The following XYLT1 variants were observed in gnomAD, a reference collection of about 807,000 sequenced individuals.
The protein encoded by XYLT1 is beta-D-xylosyltransferase 1.
Under a neutral mutation model 91.3 loss-of-function variants are expected in XYLT1, and 36 were observed. The ratio of observed to expected loss-of-function variants is 0.39; its 90% CI spans 0.30 to 0.52. XYLT1 has a LOEUF of 0.52. XYLT1 is among the 20% of genes least tolerant of loss of function. XYLT1 has a pLI of 0.68. For synonymous variants in XYLT1, 588 were observed against 532.0 expected, an observed-to-expected ratio of 1.11 and a Z score of -1.45; for missense variants, 1,242 against 1,284.5, an observed-to-expected ratio of 0.97 and a Z score of 0.51.
chr16:17,452,008 T>C (rs2141951272), intron 1 of XYLT1, among the ~76,000 whole-genome samples: 1 of 152,292 alleles, frequency 6.6e-6, no homozygotes, highest in South Asian at 2.1e-4. Flanking sequence ...AAGTGATAAC[T>C]TCCCCTAACC....
intron 8 of XYLT1, among the ~76,000 whole-genome samples, chr16:17,136,104 CCA>C (rs1277056299): frequency 2.0e-5 from 3 of 152,172 alleles, no homozygotes; most frequent in African/African-American, 7.2e-5. Flanking sequence ...CAACTACTGA[CCA>C]CACACAATAC....
chr16:17,180,350 C>A (rs768604776), intron 5 of XYLT1, among the ~76,000 whole-genome samples: 30 of 152,028 alleles, frequency 2.0e-4, no homozygotes, highest in Non-Finnish European at 3.4e-4. Flanking sequence ...GGAAACTTCC[C>A]CAGGGTGGCA....
chr16:17,304,542 C>A (rs1281738668), intron 2 of XYLT1, among the ~76,000 whole-genome samples: 1 of 152,192 alleles, frequency 6.6e-6, no homozygotes, highest in Non-Finnish European at 1.5e-5. Flanking sequence ...TCAGCTAGTT[C>A]TTCAAGCTCA....
chr16:17,105,066 C>T lies in XYLT1; in HGVS notation c.*3629G>A, dbSNP rs1966756133. 6.6e-6 allele frequency: 1 copy of T among 152,272 alleles called. No individual in the cohort carries two copies. Among genetic ancestry groups the T allele is most frequent in the African/African-American group, 2.4e-5 (1 of 41,432 alleles). 9.4% of individuals were successfully genotyped at this position (152,272 alleles called of 1,614,324 possible). On this transcript the variant is annotated 3_prime_UTR_variant, in exon 12 of 12. Transcript: ENST00000261381. ...CCCTCCACCTGAATGTACACCTCTC[C>T]ACCCCTCGATACTGCTGGGAAGCTG...
intron 2 of XYLT1, among the ~76,000 whole-genome samples, chr16:17,354,240 A>G (rs1455821367): frequency 6.6e-6 from 1 of 152,150 alleles, no homozygotes; most frequent in African/African-American, 2.4e-5. Flanking sequence ...AGCTGACACC[A>G]GGGATTTAAA....
chr16:17,446,226 T>C (rs557934366), intron 1 of XYLT1: 25 of 152,354 alleles, frequency 1.6e-4, no homozygotes, highest in African/African-American at 5.8e-4. Context: ...CCAGCCTCTG[T>C]GAGCTGCTCA....
intron 3 of XYLT1, among the ~76,000 whole-genome samples, chr16:17,252,374 G>C (rs960331197): frequency 6.6e-6 from 1 of 152,080 alleles, no homozygotes; most frequent in Non-Finnish European, 1.5e-5. Context: ...AATCTGACCT[G>C]GTTCATTGCC....
At chr16:17,141,121 T>C (rs1270744628) in intron 7 of XYLT1, 32 bp downstream of exon 7, 1 of 1,606,088 alleles carries the variant, frequency 6.2e-7, no homozygotes, top group Non-Finnish European at 8.5e-7. Flanking sequence ...CAAGCCCCTA[T>C]CTTTCTTGGG....
At chr16:17,109,580 CT>C (rs149641736) in intron 11 of XYLT1, among the ~76,000 whole-genome samples, 1,548 of 152,260 alleles carry the variant, frequency 0.01, 31 homozygotes, top group African/African-American at 0.035. Context: ...GGTTGGCAAA[CT>C]GCAGTCCTTG....
intron 5 of XYLT1, among the ~76,000 whole-genome samples, chr16:17,162,162 C>T (rs1431135963): frequency 1.3e-5 from 2 of 152,022 alleles, no homozygotes; most frequent in African/African-American, 2.4e-5. Flanking sequence ...AATTCCAGCA[C>T]TTGGGGAGGC....
intron 2 of XYLT1, among the ~76,000 whole-genome samples, chr16:17,315,553 G>T (rs563542063): frequency 6.6e-6 from 1 of 152,030 alleles, no homozygotes; most frequent in Non-Finnish European, 1.5e-5. Context: ...GTTTTGTCCC[G>T]TCTCTCTACC....
intron 10 of XYLT1, among the ~76,000 whole-genome samples, chr16:17,120,179 G>A (rs1453416816): frequency 6.6e-6 from 1 of 152,174 alleles, no homozygotes; most frequent in African/African-American, 2.4e-5. Flanking sequence ...GAATTAAAAG[G>A]ATACTATTTA....
chr16:17,290,353 A>G (rs2034203619), intron 2 of XYLT1, among the ~76,000 whole-genome samples: 1 of 152,186 alleles, frequency 6.6e-6, no homozygotes, highest in African/African-American at 2.4e-5. Context: ...GGTCCATCTC[A>G]TGTTTCATTA....
chr16:17,336,872 C>T (rs1469288760), intron 2 of XYLT1, among the ~76,000 whole-genome samples: 1 of 152,196 alleles, frequency 6.6e-6, no homozygotes. Flanking sequence ...CACCCGCTTT[C>T]TCAGATGAAG....
chr16:17,441,491 T>A (rs775661121), intron 1 of XYLT1, among the ~76,000 whole-genome samples: 18 of 152,128 alleles, frequency 1.2e-4, no homozygotes, highest in South Asian at 2.1e-4. Context: ...GAAGCAACAG[T>A]CCACTGCCTC....
chr16:17,365,051 T>C (rs370080718), intron 1 of XYLT1, among the ~76,000 whole-genome samples: 1 of 152,154 alleles, frequency 6.6e-6, no homozygotes, highest in African/African-American at 2.4e-5. Context: ...CAGCCAGCCA[T>C]CAAGTGTCGG....
At chr16:17,190,021 G>C (rs1319238564) in intron 5 of XYLT1, among the ~76,000 whole-genome samples, 1 of 152,170 alleles carries the variant, frequency 6.6e-6, no homozygotes, top group Non-Finnish European at 1.5e-5. Flanking sequence ...ACTCCAGCCT[G>C]GGCAACAAGA....
chr16:17,186,646 G>T (rs2032189954), intron 5 of XYLT1, among the ~76,000 whole-genome samples: 1 of 152,006 alleles, frequency 6.6e-6, no homozygotes, highest in Non-Finnish European at 1.5e-5. Context: ...ATTTGACCCG[G>T]CTGAGAAGCA....
chr16:17,138,584 G>A, intron 7 of XYLT1, 53 bp from the exon 8 acceptor site: 1 of 1,584,484 alleles, frequency 6.3e-7, no homozygotes, highest in Non-Finnish European at 8.6e-7. Flanking sequence ...TCCCACAGAT[G>A]AACTGGGGTG....
Sources: gnomAD v4.1 joint callset for allele counts (sites outside exome capture counted in the v4.1 genomes callset) on GRCh38, gnomAD v4.1.1 for gene constraint, MANE v1.5 for transcripts, NCBI Gene and HGNC (gene_info 2026-07-23, HGNC 2026-07-21) for gene names.